The following RAB27B variants were observed in gnomAD, a reference collection of about 807,000 sequenced individuals.
RAB27B encodes RAB27B, member RAS oncogene family, also known as ras-related protein Rab-27B.
RAB27B carries 15 observed loss-of-function variants against 24.6 expected under a neutral mutation model. The observed-to-expected ratio is 0.61, with a 90% confidence interval of 0.41 to 0.94. The LOEUF (loss-of-function observed/expected upper bound fraction) is 0.94, where lower values mean the gene tolerates loss of function less well. RAB27B is among the 40% of genes least tolerant of loss of function. The probability of loss-of-function intolerance (pLI) is 0.00; values close to 1 mark genes in which losing one functional copy is unlikely to be tolerated. For synonymous variants in RAB27B, 105 were observed against 92.5 expected (o/e 1.14, Z -0.78); for missense variants, 261 against 266.8 (o/e 0.98, Z 0.15).
chr18:54,764,115 G>A (rs1908283770), intron 2 of RAB27B, among the ~76,000 whole-genome samples: 1 of 152,094 alleles, frequency 6.6e-6, no homozygotes, highest in African/African-American at 2.4e-5. Context: ...ACTGCAGCTT[G>A]TTTATGGATA....
intron 2 of RAB27B, among the ~76,000 whole-genome samples, chr18:54,728,871 G>A (rs2144986664): frequency 3.1e-5 from 1 of 31,870 alleles, no homozygotes; most frequent in African/African-American, 1.4e-4. Flanking sequence ...GTAAGACTCT[G>A]TCTCAAAAAA....
intron 1 of RAB27B, among the ~76,000 whole-genome samples, chr18:54,871,338 G>A (rs749238963): frequency 6.6e-6 from 1 of 152,136 alleles, no homozygotes; most frequent in Non-Finnish European, 1.5e-5. Flanking sequence ...TTACGGGAAC[G>A]AATATTTCAT....
intron 4 of RAB27B, among the ~76,000 whole-genome samples, chr18:54,885,391 G>A (rs968890168): frequency 3.9e-5 from 6 of 152,072 alleles, no homozygotes; most frequent in African/African-American, 1.4e-4. Flanking sequence ...TTACCTACAA[G>A]GTCACTGTGA....
chr18:54,847,786 C>T (rs1911396588), intron 1 of RAB27B, among the ~76,000 whole-genome samples: 1 of 152,002 alleles, frequency 6.6e-6, no homozygotes, highest in African/African-American at 2.4e-5. Context: ...AATTTTTTAG[C>T]TTAATTTGTC....
intron 1 of RAB27B, among the ~76,000 whole-genome samples, chr18:54,832,407 G>A (rs1168081871): frequency 1.3e-5 from 2 of 152,198 alleles, no homozygotes; most frequent in Non-Finnish European, 2.9e-5. Flanking sequence ...GTTTTAATGG[G>A]AAATGAAGAA....
chr18:54,746,631 C>T (rs12454050), intron 2 of RAB27B, among the ~76,000 whole-genome samples: 9,214 of 152,246 alleles, frequency 0.061, 348 homozygotes, highest in Admixed American at 0.086. Context: ...AATAAATCAG[C>T]TTTGATGCAG....
chr18:54,806,141 T>G (rs938358430), intron 2 of RAB27B, among the ~76,000 whole-genome samples: 2 of 152,200 alleles, frequency 1.3e-5, no homozygotes, highest in Admixed American at 1.3e-4. Context: ...TTTTTTGTTC[T>G]GATACCCACA....
Position 54,889,442 on chromosome 18 carries a change from C to G in RAB27B, c.*29C>G. ...CTACATAGAAACTGAACATCAAGAACCCCACCAAAATATTACTTTTAAAAA... is the reference window on the plus strand; with the variant it reads ...CTACATAGAAACTGAACATCAAGAAGCCCACCAAAATATTACTTTTAAAAA... On this transcript the variant is annotated 3_prime_UTR_variant, in exon 6 of 6. Transcript: ENST00000262094. The G allele has an allele frequency of 6.4e-7, 1 of 1,565,206 alleles. No individual in the cohort carries two copies. The highest frequency in any genetic ancestry group is 1.2e-5 in the South Asian group (1 of 83,358).
intron 1 of RAB27B, among the ~76,000 whole-genome samples, chr18:54,870,345 T>C (rs544677773): frequency 2.3e-4 from 35 of 152,256 alleles, no homozygotes; most frequent in Middle Eastern, 3.4e-3. Context: ...ATCATCTCAA[T>C]AGAGGAAGAA....
intron 4 of RAB27B, among the ~76,000 whole-genome samples, chr18:54,887,471 A>G (rs545604536): frequency 3.2e-4 from 49 of 152,210 alleles, no homozygotes; most frequent in African/African-American, 1.2e-3. Context: ...ATGTATGTGT[A>G]TTATGTATTA....
chr18:54,875,964 T>C (rs1332078965), intron 1 of RAB27B, among the ~76,000 whole-genome samples: 2 of 152,206 alleles, frequency 1.3e-5, no homozygotes, highest in African/African-American at 4.8e-5. Context: ...ATGTCCTCTA[T>C]TAGTCCATTT....
intron 1 of RAB27B, among the ~76,000 whole-genome samples, chr18:54,839,252 T>C (rs1911015276): frequency 6.6e-6 from 1 of 152,148 alleles, no homozygotes; most frequent in African/African-American, 2.4e-5. Context: ...GTCTAGGCTA[T>C]TGTGTAAGAA....
At chr18:54,827,339 C>T (rs1910507667), upstream of RAB27B, among the ~76,000 whole-genome samples, 1 of 152,206 alleles carries the variant, frequency 6.6e-6, no homozygotes, top group Non-Finnish European at 1.5e-5. Flanking sequence ...GTCAATTCTT[C>T]ACAATAACAC....
At chr18:54,783,747 A>G (rs186246539) in intron 2 of RAB27B, among the ~76,000 whole-genome samples, 1 of 152,298 alleles carries the variant, frequency 6.6e-6, no homozygotes, top group East Asian at 1.9e-4. Context: ...CCCTCTGGGC[A>G]TAGGCTTCAT....
chr18:54,730,367 A>T (rs560770525), intron 2 of RAB27B, among the ~76,000 whole-genome samples: 2 of 152,220 alleles, frequency 1.3e-5, no homozygotes, highest in African/African-American at 4.8e-5. Flanking sequence ...CGACAAATGC[A>T]TGGTTCTCCG....
At chr18:54,789,849 A>G (rs9951655) in intron 2 of RAB27B, among the ~76,000 whole-genome samples, 1,589 of 152,250 alleles carry the variant, frequency 0.01, 30 homozygotes, top group African/African-American at 0.036. Context: ...TTTCAAGTGA[A>G]CAACCTATCC....
At position 54,780,657 on chromosome 18, in the gene RAB27B, C is replaced by T. The variant is rs77349283; in HGVS notation, c.-20+62516C>T. Among the ~76,000 whole-genome samples the T allele has an allele frequency of 4.6e-5, 7 of 152,292 alleles. No individual in the cohort carries two copies. In the East Asian group the frequency reaches 1.4e-3, roughly 29 times the overall value. ...CCCACATGACCTCATATAACTACCT[C>T]TTTAAAGGTCCTGTCTCCAAATATG... On this transcript the variant is annotated intron_variant, in intron 2 of 4. Coordinates refer to the RAB27B transcript ENST00000586570.
chr18:54,772,868 T>C (rs1276196232), intron 2 of RAB27B, among the ~76,000 whole-genome samples: 1 of 152,200 alleles, frequency 6.6e-6, no homozygotes, highest in Non-Finnish European at 1.5e-5. Flanking sequence ...TTTCATCTGT[T>C]TCCTCCTTTC....
chr18:54,885,677 T>G (rs1913105829), intron 4 of RAB27B, among the ~76,000 whole-genome samples: 1 of 152,044 alleles, frequency 6.6e-6, no homozygotes, highest in Non-Finnish European at 1.5e-5. Flanking sequence ...CACCTGATAA[T>G]GTGTTATGTA....
Sources: gnomAD v4.1 joint callset for allele counts (sites outside exome capture counted in the v4.1 genomes callset) on GRCh38, gnomAD v4.1.1 for gene constraint, MANE v1.5 for transcripts, NCBI Gene and HGNC (gene_info 2026-07-23, HGNC 2026-07-21) for gene names.